Variants in ARL17B observed in about 807,000 individuals in gnomAD.
ARL17B encodes the protein ADP-ribosylation factor-like protein 17.
At chr17:46,278,996 C>T (rs554107452) in intron 4 of ARL17B, among the ~76,000 whole-genome samples, 111 of 152,080 alleles carry the variant, frequency 7.3e-4, no homozygotes, top group Non-Finnish European at 1.4e-3. Context: ...TGGGCTTTCA[C>T]CATGTTGGTC....
At chr17:46,341,089 G>A (rs200146013) in intron 3 of ARL17B, among the ~76,000 whole-genome samples, 12 of 50,528 alleles carry the variant, frequency 2.4e-4, no homozygotes, top group Admixed American at 2.0e-4. Context: ...CTGCAGAGAG[G>A]GCAGGGAGGA....
At chr17:46,281,074 C>T (rs1347623106) in intron 4 of ARL17B, among the ~76,000 whole-genome samples, 1 of 152,182 alleles carries the variant, frequency 6.6e-6, no homozygotes, top group Non-Finnish European at 1.5e-5. Context: ...AAAAATCTGA[C>T]ACCAATCTAA....
chr17:46,289,754 C>T (rs1206094132), intron 4 of ARL17B, among the ~76,000 whole-genome samples: 2 of 152,228 alleles, frequency 1.3e-5, no homozygotes, highest in Admixed American at 6.5e-5. Context: ...AGAAAAATAA[C>T]TTAGCCCACG....
chr17:46,279,070 T>C (rs76167437), intron 4 of ARL17B, among the ~76,000 whole-genome samples: 17,254 of 150,292 alleles, frequency 0.11, no homozygotes, highest in Non-Finnish European at 0.17. Flanking sequence ...AGTGTTGGGA[T>C]TATAGGCATA....
chr17:46,340,341 T>A (rs1598201514), intron 3 of ARL17B, among the ~76,000 whole-genome samples: 1 of 63,770 alleles, frequency 1.6e-5, no homozygotes, highest in African/African-American at 5.5e-5. Context: ...TCAGCCTCCC[T>A]AGTAGCTGGG....
At chr17:46,287,343 C>G (rs1314936529) in intron 4 of ARL17B, among the ~76,000 whole-genome samples, 2 of 152,272 alleles carry the variant, frequency 1.3e-5, no homozygotes, top group Non-Finnish European at 2.9e-5. Flanking sequence ...CCTGTCAAAC[C>G]TATTCCACAG....
chr17:46,321,571 T>TA (rs1394515296), intron 3 of ARL17B, among the ~76,000 whole-genome samples: 1 of 26,722 alleles, frequency 3.7e-5, no homozygotes, highest in African/African-American at 9.7e-5. Flanking sequence ...TATTTTTTTT[T>TA]AACTGTGCAA....
At chr17:46,275,788 A>C (rs936115312) in intron 4 of ARL17B, among the ~76,000 whole-genome samples, 3 of 152,246 alleles carry the variant, frequency 2.0e-5, no homozygotes, top group African/African-American at 7.2e-5. Context: ...GATGAGGGGA[A>C]TATAAAGGGA....
At chr17:46,275,072 G>T in exon 5 of ARL17B, 1 of 182,534 alleles carries the variant, frequency 5.5e-6, no homozygotes, top group Non-Finnish European at 1.1e-5. Context: ...TTGTATTTTT[G>T]GTAGAGACGG....
intron 4 of ARL17B, among the ~76,000 whole-genome samples, chr17:46,291,282 G>A (rs2050059406): frequency 6.6e-6 from 1 of 152,200 alleles, no homozygotes; most frequent in Non-Finnish European, 1.5e-5. Context: ...ACATACAAGT[G>A]AGAGTAAAAT....
chr17:46,300,033 G>A (rs1264733987), intron 3 of ARL17B, among the ~76,000 whole-genome samples: 2 of 37,926 alleles, frequency 5.3e-5, no homozygotes, highest in African/African-American at 1.1e-4. Context: ...AAATTTGGTA[G>A]GCTCTCTTTA....
intron 4 of ARL17B, among the ~76,000 whole-genome samples, chr17:46,292,335 GAAA>G (rs1177574208): frequency 1.7e-5 from 1 of 58,528 alleles, no homozygotes; most frequent in African/African-American, 4.2e-5. Flanking sequence ...CTCTCTCGAG[GAAA>G]AAAAAAAAAA....
At chr17:46,283,467 C>T (rs192430886) in intron 4 of ARL17B, among the ~76,000 whole-genome samples, 43 of 152,326 alleles carry the variant, frequency 2.8e-4, no homozygotes, top group African/African-American at 9.6e-4. Flanking sequence ...AGTTGAGTCA[C>T]TACATCAATG....
In ARL17B at chr17:46,288,211, G is replaced by A. The variant is rs1338473619; in HGVS notation, c.*21+11315C>T. On this transcript the variant is annotated intron_variant, in intron 4 of 4. Transcript: ENST00000570618. ...GGCTGCAGGGCAGGGGCAGGATCACGGCCCCCTGCAGCCTGGACCTCCCAG... is the reference window on the plus strand; with the variant it reads ...GGCTGCAGGGCAGGGGCAGGATCACAGCCCCCTGCAGCCTGGACCTCCCAG... Among the ~76,000 whole-genome samples, 19 of 152,020 alleles carry A rather than the reference G, an allele frequency of 1.2e-4. No individual in the cohort carries two copies. The East Asian group carries it at 3.3e-3, about 26-fold the overall frequency.
chr17:46,278,897 A>C (rs1456153889), intron 4 of ARL17B, among the ~76,000 whole-genome samples: 2 of 150,706 alleles, frequency 1.3e-5, no homozygotes, highest in South Asian at 4.2e-4. Context: ...TCCTGGGTTC[A>C]AGTGATTCTC....
At chr17:46,281,779 G>T (rs2049769394) in intron 4 of ARL17B, among the ~76,000 whole-genome samples, 1 of 151,970 alleles carries the variant, frequency 6.6e-6, no homozygotes, top group Admixed American at 6.6e-5. Flanking sequence ...GAGTAGCTGG[G>T]ATTACAGGTG....
chr17:46,275,488 C>T, intron 4 of ARL17B: 1 of 669,234 alleles, frequency 1.5e-6, no homozygotes, highest in Admixed American at 2.3e-5. Flanking sequence ...ATGCGGATGC[C>T]AAAGTAAATA....
exon 5 of ARL17B, chr17:46,274,950 T>C (rs1317597049): frequency 6.5e-6 from 1 of 153,750 alleles, no homozygotes; most frequent in Non-Finnish European, 1.4e-5. Context: ...TGGAGTGCAA[T>C]GGCTCAATCT....
exon 5 of ARL17B, chr17:46,274,888 T>C (rs2143278922): frequency 6.5e-6 from 1 of 152,812 alleles, no homozygotes; most frequent in South Asian, 2.1e-4. Flanking sequence ...TTTCTTTTTC[T>C]TTTCTTCCTT....
Sources: allele counts gnomAD v4.1 joint callset (sites outside exome capture counted in the v4.1 genomes callset), GRCh38; gene constraint gnomAD v4.1.1; transcripts MANE v1.5; gene names NCBI Gene and HGNC (gene_info 2026-07-23, HGNC 2026-07-21).